Variants in BMERB1 observed in about 807,000 individuals in gnomAD.
BMERB1 encodes bMERB domain-containing protein 1.
BMERB1 carries 12 observed loss-of-function variants against 23.6 expected under a neutral mutation model. The ratio of observed to expected loss-of-function variants is 0.51; its 90% confidence interval spans 0.33 to 0.82. BMERB1 has a LOEUF of 0.82. Ranked by LOEUF, BMERB1 falls within the 40% of genes least tolerant of loss-of-function variation. The pLI, the probability that BMERB1 is intolerant of heterozygous loss-of-function variation, is 0.03. For synonymous variants in BMERB1, 122 were observed against 96.6 expected, an observed-to-expected ratio of 1.26 and a Z score of -1.54; for missense variants, 247 against 255.4, an observed-to-expected ratio of 0.97 and a Z score of 0.22.
intron 5 of BMERB1, among the ~76,000 whole-genome samples, chr16:15,583,610 A>G (rs1168198832): frequency 6.6e-6 from 1 of 150,546 alleles, no homozygotes. Context: ...GCCATTTCAG[A>G]GAAGTCTGGG....
At chr16:15,510,982 G>A (rs528598679) in intron 1 of BMERB1, among the ~76,000 whole-genome samples, 3 of 152,034 alleles carry the variant, frequency 2.0e-5, no homozygotes, top group East Asian at 3.9e-4. Context: ...GATTACAGGC[G>A]TGAGCCACCG....
intron 1 of BMERB1, among the ~76,000 whole-genome samples, chr16:15,504,377 G>T (rs1314170801): frequency 3.8e-4 from 57 of 151,962 alleles, no homozygotes; most frequent in Non-Finnish European, 4.4e-5. Flanking sequence ...TCTTGGTAAT[G>T]TTAACAATAG....
chr16:15,525,665 A>G (rs2051898485), intron 2 of BMERB1, among the ~76,000 whole-genome samples: 1 of 151,738 alleles, frequency 6.6e-6, no homozygotes, highest in Admixed American at 6.6e-5. Flanking sequence ...AGATTATGCC[A>G]GTGCACTCCA....
Position 15,586,722 on chromosome 16 carries a change from C to T in BMERB1, c.508C>T (p.Arg170Trp), listed in dbSNP as rs137927249. The T allele has an allele frequency of 4.7e-5, 76 of 1,608,422 alleles. No individual in the cohort carries two copies. Among genetic ancestry groups the T allele is most frequent in the Non-Finnish European group, 5.8e-5 (68 of 1,177,858 alleles). Residue 170 changes from arginine (R) to tryptophan (W), a missense_variant, in exon 6 of 6, where the codon CGG (arginine) becomes TGG (tryptophan). Physicochemically the swap from Arg to Trp is moderately radical, Grantham distance 101 (BLOSUM62 -3). Transcript: ENST00000300006. ...DKVTKSPASS[R>W]AEKKAEPPPS... Reference sequence around the variant, plus strand: ...GTGCCCACATCTTGCTGCAGGCTCCCGGGCAGAGAAGAAAGCAGAGCCCCC... The same window carrying T: ...GTGCCCACATCTTGCTGCAGGCTCCTGGGCAGAGAAGAAAGCAGAGCCCCC...
intron 2 of BMERB1, among the ~76,000 whole-genome samples, chr16:15,552,824 C>T (rs555520832): frequency 6.6e-6 from 1 of 152,326 alleles, no homozygotes; most frequent in East Asian, 1.9e-4. Context: ...ACAGCATTCA[C>T]CTCTCTGGGC....
intron 2 of BMERB1, among the ~76,000 whole-genome samples, chr16:15,566,388 G>T (rs550834757): frequency 6.6e-6 from 1 of 152,302 alleles, no homozygotes; most frequent in South Asian, 2.1e-4. Context: ...AAGTGTTCAT[G>T]CCACTAGACC....
intron 1 of BMERB1, among the ~76,000 whole-genome samples, chr16:15,445,167 A>G (rs2150922095): frequency 6.6e-6 from 1 of 152,210 alleles, no homozygotes; most frequent in East Asian, 1.9e-4. Flanking sequence ...TGCTGAGATT[A>G]TAGGCATGAG....
chr16:15,514,285 T>C (rs951098377), intron 1 of BMERB1, among the ~76,000 whole-genome samples: 7 of 152,046 alleles, frequency 4.6e-5, no homozygotes, highest in African/African-American at 1.7e-4. Flanking sequence ...AATGAAAAAA[T>C]ACTTAACACT....
intron 2 of BMERB1, among the ~76,000 whole-genome samples, chr16:15,530,901 T>G (rs373181573): frequency 1.9e-4 from 27 of 142,806 alleles, no homozygotes; most frequent in African/African-American, 6.8e-4. Context: ...CTTTTCTTCT[T>G]TCTTTTTTTT....
chr16:15,550,928 G>A (rs1468375488), intron 2 of BMERB1, among the ~76,000 whole-genome samples: 1 of 152,176 alleles, frequency 6.6e-6, no homozygotes, highest in African/African-American at 2.4e-5. Flanking sequence ...GCTTTTGTTG[G>A]CATCAGCTTG....
intron 1 of BMERB1, among the ~76,000 whole-genome samples, chr16:15,468,600 G>C (rs2051203773): frequency 1.3e-5 from 2 of 152,142 alleles, no homozygotes; most frequent in South Asian, 4.1e-4. Context: ...TGAGAGGAGG[G>C]CTCCATTCAG....
At chr16:15,560,706 T>C (rs1304456357) in intron 2 of BMERB1, among the ~76,000 whole-genome samples, 3 of 151,818 alleles carry the variant, frequency 2.0e-5, no homozygotes, top group Admixed American at 2.0e-4. Flanking sequence ...GGAGGGAGGA[T>C]GGCTTGAGCC....
chr16:15,480,082 T>A (rs1037587927), intron 1 of BMERB1, among the ~76,000 whole-genome samples: 2 of 150,380 alleles, frequency 1.3e-5, no homozygotes, highest in African/African-American at 4.9e-5. Context: ...CAGGAAATGT[T>A]GATCTATGGC....
chr16:15,574,240 C>T lies in BMERB1; in HGVS notation c.304+6184C>T, dbSNP rs1484961890. On this transcript the variant is annotated intron_variant, in intron 3 of 5. Transcript: ENST00000300006. ...TCTCATGGGAACTCGCTCACTATCA[C>T]GAGAACAGCATGGGGAAACTGCCTG... Among the ~76,000 whole-genome samples the T allele has an allele frequency of 2.6e-5, 4 of 152,116 alleles. No homozygotes were observed. The East Asian group carries it at 7.7e-4, about 29-fold the overall frequency.
intron 2 of BMERB1, among the ~76,000 whole-genome samples, chr16:15,554,490 T>A (rs2030190908): frequency 6.6e-6 from 1 of 152,090 alleles, no homozygotes; most frequent in Admixed American, 6.6e-5. Flanking sequence ...ATTTATGTAA[T>A]ATTTGTATAA....
At chr16:15,550,186 C>T (rs932349749) in intron 2 of BMERB1, among the ~76,000 whole-genome samples, 5 of 152,166 alleles carry the variant, frequency 3.3e-5, no homozygotes, top group Admixed American at 1.3e-4. Context: ...TGATCCACCC[C>T]GCCTCGGCCT....
At chr16:15,555,742 G>T (rs1163685478) in intron 2 of BMERB1, among the ~76,000 whole-genome samples, 2 of 152,200 alleles carry the variant, frequency 1.3e-5, no homozygotes, top group Non-Finnish European at 2.9e-5. Context: ...AAGATGCTGA[G>T]AAATTGCTGA....
chr16:15,546,844 T>C lies in BMERB1; in HGVS notation c.231-21139T>C, dbSNP rs1448466883. ...CCCAATAAACTTGTTTGTGGAGGCC[T>C]GGGGAGTTTCTTCACACCCCCAATA... On this transcript the variant is annotated intron_variant, in intron 2 of 5. Transcript: ENST00000300006. Among the ~76,000 whole-genome samples, 9 of 152,120 alleles carry C rather than the reference T, an allele frequency of 5.9e-5. 1 individual carries two copies. In the South Asian group the frequency reaches 1.2e-3, roughly 21 times the overall value.
chr16:15,490,991 A>G (rs1199892777), intron 1 of BMERB1, among the ~76,000 whole-genome samples: 1 of 151,594 alleles, frequency 6.6e-6, no homozygotes, highest in East Asian at 2.0e-4. Flanking sequence ...GACCAGAGGC[A>G]CACCCACCAT....
Sources: gnomAD v4.1 joint callset for allele counts (sites outside exome capture counted in the v4.1 genomes callset) on GRCh38, gnomAD v4.1.1 for gene constraint, MANE v1.5 for transcripts, NCBI Gene and HGNC (gene_info 2026-07-23, HGNC 2026-07-21) for gene names.